CDC14A: variants seen among roughly 807,000 people sequenced by gnomAD.
The protein encoded by CDC14A is cell division cycle 14A.
CDC14A carries 53 observed loss-of-function variants against 74.4 expected under a neutral mutation model. That is an observed-to-expected ratio of 0.71 (90% CI 0.57 to 0.89). The LOEUF (loss-of-function observed/expected upper bound fraction) is 0.89. Ranked by LOEUF, CDC14A falls within the 40% of genes least tolerant of loss-of-function variation. The probability of loss-of-function intolerance (pLI) is 0.00; values close to 1 mark genes in which losing one functional copy is unlikely to be tolerated. For missense variants in CDC14A, 646 were observed against 713.7 expected, an observed-to-expected ratio of 0.91 and a Z score of 1.08; for synonymous variants, 247 against 258.4, an observed-to-expected ratio of 0.96 and a Z score of 0.43.
intron 2 of CDC14A, among the ~76,000 whole-genome samples, chr1:100,354,125 G>C (rs541228869): frequency 3.0e-4 from 45 of 152,304 alleles, no homozygotes; most frequent in Admixed American, 2.6e-4. Context: ...ACATTCCCCA[G>C]AGTAGGACCA....
chr1:100,359,760 C>G (rs1557678330), intron 2 of CDC14A, among the ~76,000 whole-genome samples: 1 of 151,392 alleles, frequency 6.6e-6, no homozygotes, highest in African/African-American at 2.4e-5. Context: ...GTGAAATGTT[C>G]TGGCTGCTTA....
intron 15 of CDC14A, among the ~76,000 whole-genome samples, chr1:100,515,958 C>T (rs1295460937): frequency 1.3e-5 from 2 of 152,132 alleles, no homozygotes; most frequent in African/African-American, 2.4e-5. Flanking sequence ...AATTCGTTGG[C>T]CAAATGGTGT....
chr1:100,367,799 T>C (rs1653852306), intron 2 of CDC14A, among the ~76,000 whole-genome samples: 2 of 152,212 alleles, frequency 1.3e-5, no homozygotes, highest in Admixed American at 1.3e-4. Flanking sequence ...GGAAGTCCTC[T>C]GGGTTAGGAT....
Position 100,394,719 on chromosome 1 carries a change from A to G in CDC14A, c.309+3895A>G, listed in dbSNP as rs546596334. On this transcript the variant is annotated intron_variant, in intron 4 of 15. Coordinates refer to ENST00000336454, the MANE Select transcript of CDC14A (RefSeq NM_003672.4). ...TTATTCTTGAACTGGTCATGTCCCA[A>G]TTGATTTTTCTAATTTTGTAACTGT... 7.9e-5 allele frequency among the ~76,000 whole-genome samples: 12 copies of G among 152,290 alleles called. No homozygotes were observed. The South Asian group carries it at 8.3e-4, about 11-fold the overall frequency.
chr1:100,447,513 C>T (rs554165105), intron 7 of CDC14A, among the ~76,000 whole-genome samples: 11 of 152,338 alleles, frequency 7.2e-5, no homozygotes, highest in Middle Eastern at 3.4e-3. Flanking sequence ...AACATTTGTA[C>T]TTCTCCAACA....
chr1:100,466,871 C>CA (rs11382441), intron 9 of CDC14A, among the ~76,000 whole-genome samples: 34,770 of 87,010 alleles, frequency 0.4, 6,346 homozygotes, highest in East Asian at 0.56. Flanking sequence ...ACTCGGTCTC[C>CA]AAAAAAAAAA....
At chr1:100,461,412 C>A (rs1229170829) in intron 8 of CDC14A, among the ~76,000 whole-genome samples, 1 of 149,918 alleles carries the variant, frequency 6.7e-6, no homozygotes, top group Non-Finnish European at 1.5e-5. Context: ...GCCAAGCACA[C>A]AGCGTGGAAA....
intron 6 of CDC14A, 72 bp from the exon 7 acceptor site, chr1:100,442,862 T>C (rs1665117367): frequency 3.1e-6 from 3 of 975,134 alleles, no homozygotes; most frequent in Non-Finnish European, 3.3e-6. Flanking sequence ...TTTCTGTAAG[T>C]AGGAGTTCCA....
chr1:100,427,165 C>A (rs1663058086), intron 5 of CDC14A, among the ~76,000 whole-genome samples: 1 of 152,040 alleles, frequency 6.6e-6, no homozygotes. Flanking sequence ...TATGAAATTA[C>A]ACTTTTGTCT....
At chr1:100,503,690 C>T (rs1648981906) in intron 15 of CDC14A, among the ~76,000 whole-genome samples, 1 of 152,164 alleles carries the variant, frequency 6.6e-6, no homozygotes, top group Admixed American at 6.5e-5. Context: ...GTGCAATGCA[C>T]ACACACAAGG....
At chr1:100,402,033 C>T (rs1198903566) in intron 4 of CDC14A, among the ~76,000 whole-genome samples, 1 of 147,624 alleles carries the variant, frequency 6.8e-6, no homozygotes, top group East Asian at 2.0e-4. Context: ...AGCAGAACTC[C>T]ATTAAAAAAA....
chr1:100,516,505 G>A (rs1355939280), intron 15 of CDC14A, among the ~76,000 whole-genome samples: 5 of 152,036 alleles, frequency 3.3e-5, no homozygotes, highest in African/African-American at 7.2e-5. Flanking sequence ...TTTACTAATC[G>A]GAACAAAAGT....
rs150371785 is a variant in CDC14A, at chr1:100,456,479, C to T, written c.607+987C>T. ...ATCATAGAGGTGGAATACCAGTGTT[C>T]TGAGGGAACCTAACTTGAAACCTCT... On this transcript the variant is annotated intron_variant, in intron 8 of 15. Transcript: ENST00000336454. 3.6e-3 allele frequency among the ~76,000 whole-genome samples: 521 copies of T among 144,694 alleles called. 5 individuals are homozygous for T. The highest frequency in any genetic ancestry group is 0.011 in the Middle Eastern group (3 of 280). The allele number at this position is 144,694 out of a possible 152,430, so 94.9% of individuals were successfully genotyped here.
chr1:100,485,377 A>G, intron 11 of CDC14A: 1 of 915,792 alleles, frequency 1.1e-6, no homozygotes, highest in Non-Finnish European at 1.3e-6. Context: ...AGGAGAAAAA[A>G]AGAAAAGAAA....
intron 3 of CDC14A, among the ~76,000 whole-genome samples, chr1:100,382,390 A>ATTTTTTTTT (rs59014809): frequency 3.5e-5 from 4 of 115,290 alleles, no homozygotes; most frequent in East Asian, 2.6e-4. Context: ...CCAGCTAACT[A>ATTTTTTTTT]TTTTTTTTTT....
chr1:100,366,510 C>G (rs763299019), intron 2 of CDC14A, among the ~76,000 whole-genome samples: 1 of 152,164 alleles, frequency 6.6e-6, no homozygotes, highest in Non-Finnish European at 1.5e-5. Context: ...CTTCATAAAT[C>G]TGTGAGAAGA....
rs192447817 is a variant in CDC14A, at chr1:100,519,387, A to T, written c.*1107A>T. The T allele has an allele frequency of 2.0e-5, 3 of 152,262 alleles. No individual in the cohort carries two copies. Among genetic ancestry groups the T allele is most frequent in the African/African-American group, 7.2e-5 (3 of 41,580 alleles). 9.4% of individuals were successfully genotyped at this position (152,262 alleles called of 1,614,324 possible). A position where few individuals can be genotyped will look rare whatever the true frequency, so the allele number is the denominator to read the frequency against. ...CCTTATAGGTACTCACAGCCCTTTC[A>T]TGTAAGTATGATCTGATATTTAGGT... On this transcript the variant is annotated 3_prime_UTR_variant, in exon 16 of 16. Coordinates refer to ENST00000336454, the MANE Select transcript of CDC14A (RefSeq NM_003672.4).
chr1:100,490,786 G>T (rs1347975862), intron 11 of CDC14A, among the ~76,000 whole-genome samples: 5 of 152,078 alleles, frequency 3.3e-5, no homozygotes, highest in African/African-American at 1.2e-4. Context: ...CTCCTGGCTG[G>T]TAAACATAAA....
chr1:100,410,674 G>C (rs1263940361), intron 4 of CDC14A, among the ~76,000 whole-genome samples: 1 of 152,194 alleles, frequency 6.6e-6, no homozygotes, highest in East Asian at 1.9e-4. Context: ...GCATTGGGCT[G>C]TGTTTAAAAA....
Sources: allele counts gnomAD v4.1 joint callset (sites outside exome capture counted in the v4.1 genomes callset), GRCh38; gene constraint gnomAD v4.1.1; transcripts MANE v1.5; gene names NCBI Gene and HGNC (gene_info 2026-07-23, HGNC 2026-07-21).